The following TOPAZ1 variants were observed in gnomAD, a reference collection of about 807,000 sequenced individuals.
TOPAZ1 encodes testis and ovary specific TOPAZ 1.
A neutral mutation model predicts 172.2 loss-of-function variants in TOPAZ1; 66 were observed. The ratio of observed to expected loss-of-function variants is 0.38; its 90% CI spans 0.31 to 0.47. The LOEUF (loss-of-function observed/expected upper bound fraction) is 0.47, where lower values mean the gene tolerates loss of function less well. Among genes scored for constraint, TOPAZ1 ranks in the 20% least tolerant of loss-of-function variants. The probability of loss-of-function intolerance (pLI) is 0.99; values close to 1 mark genes in which losing one functional copy is unlikely to be tolerated. For missense variants in TOPAZ1, 1,822 were observed against 1,972.4 expected, an observed-to-expected ratio of 0.92 and a Z score of 1.44; for synonymous variants, 681 against 683.9, an observed-to-expected ratio of 1.00 and a Z score of 0.07.
rs1046733569 is a variant in TOPAZ1, at chr3:44,244,836, G to A, written c.2330G>A (p.Gly777Asp). 3 of 1,551,500 alleles carry A rather than the reference G, an allele frequency of 1.9e-6. No homozygotes were observed. The highest frequency in any genetic ancestry group is 2.7e-5 in the African/African-American group (2 of 73,012). Reference protein sequence around the residue: ...YSISPSFTKQGNNSKPSNHVS... With the variant: ...YSISPSFTKQDNNSKPSNHVS... ...ATTTCTCCAAGCTTTACAAAGCAAG[G>A]TAACAATAGCAAACCATCTAATCAC... The change falls in exon 2 of 20, where the codon GGT becomes GAT. Residue 777 changes from glycine to aspartate, a missense_variant. By Grantham distance (94) the Gly-to-Asp change is moderately conservative. Transcript: ENST00000309765.
chr3:44,318,266 A>G (rs1442087810), intron 16 of TOPAZ1, among the ~76,000 whole-genome samples: 5 of 152,162 alleles, frequency 3.3e-5, no homozygotes, highest in Non-Finnish European at 7.4e-5. Flanking sequence ...ATCCTGGCCA[A>G]CGTGGTGAAA....
intron 8 of TOPAZ1, among the ~76,000 whole-genome samples, chr3:44,273,609 C>G (rs1201725819): frequency 2.0e-5 from 3 of 152,150 alleles, no homozygotes; most frequent in African/African-American, 7.2e-5. Context: ...AATTTCACTT[C>G]CCACTGATGT....
At chr3:44,272,281 C>A (rs190218979) in intron 8 of TOPAZ1, among the ~76,000 whole-genome samples, 92 of 152,288 alleles carry the variant, frequency 6.0e-4, no homozygotes, top group African/African-American at 1.5e-3. Flanking sequence ...ATTGCTGGAT[C>A]ATATGGTAAT....
intron 8 of TOPAZ1, among the ~76,000 whole-genome samples, chr3:44,280,424 G>A (rs536639311): frequency 2.7e-5 from 4 of 149,968 alleles, no homozygotes; most frequent in East Asian, 2.0e-4. Flanking sequence ...ATCTCAGCTC[G>A]CTGCAGCTTC....
Position 44,306,334 on chromosome 3 carries a change from G to C in TOPAZ1, c.4048G>C (p.Asp1350His). The C allele has an allele frequency of 6.5e-7, 1 of 1,543,378 alleles. No homozygotes were observed. The highest frequency in any genetic ancestry group is 8.8e-7 in the Non-Finnish European group (1 of 1,140,792). ...FCEFAETVSKDPQNSKVDKGV... is the reference protein window; with the variant it reads ...FCEFAETVSKHPQNSKVDKGV... ...GCCTATTTGTGTTTCAGTTAGCAAA[G>C]ATCCACAAAACAGTAAAGTAGATAA... is the stretch of plus-strand genomic sequence containing the variant. The change falls in exon 15 of 20, where the codon GAT becomes CAT. Residue 1350 changes from aspartate (D) to histidine (H), a missense_variant. Physicochemically the swap from Asp to His is moderately conservative, Grantham distance 81. Coordinates refer to ENST00000309765, the MANE Select transcript of TOPAZ1 (RefSeq NM_001145030.2).
At chr3:44,328,703 G>A (rs192109739) in intron 19 of TOPAZ1, among the ~76,000 whole-genome samples, 15 of 152,152 alleles carry the variant, frequency 9.9e-5, no homozygotes, top group Admixed American at 2.6e-4. Context: ...TCAAAGAGAC[G>A]GATCCTCTTT....
At chr3:44,255,593 A>G (rs980844038) in intron 3 of TOPAZ1, among the ~76,000 whole-genome samples, 4 of 150,366 alleles carry the variant, frequency 2.7e-5, no homozygotes, top group Admixed American at 2.0e-4. Flanking sequence ...CGGAGCTTGC[A>G]GTGAGCCAAG....
chr3:44,299,582 C>T (rs1024094030), intron 12 of TOPAZ1, among the ~76,000 whole-genome samples: 18 of 152,202 alleles, frequency 1.2e-4, no homozygotes, highest in African/African-American at 4.1e-4. Context: ...TACCATTTGA[C>T]CCAGCCATCC....
chr3:44,317,033 C>A (rs73088489), intron 16 of TOPAZ1, among the ~76,000 whole-genome samples: 2,273 of 152,266 alleles, frequency 0.015, 28 homozygotes, highest in Middle Eastern at 0.027. Context: ...CTAAATTATT[C>A]TTTGCTATGC....
At chr3:44,290,176 A>G (rs1700121245) in intron 11 of TOPAZ1, among the ~76,000 whole-genome samples, 1 of 152,322 alleles carries the variant, frequency 6.6e-6, no homozygotes, top group African/African-American at 2.4e-5. Flanking sequence ...GAGCTGTCAG[A>G]AAAGGCCTGC....
chr3:44,262,399 T>G lies in TOPAZ1; in HGVS notation c.2956-20T>G, dbSNP rs1451725356. ...ACAGAGACCTTCACTTGTACTTATT[T>G]AACCATAATCTCTTCACAGCATAGA... On this transcript the variant is annotated intron_variant, in intron 4 of 19. Transcript: ENST00000309765. The G allele has an allele frequency of 3.7e-6, 5 of 1,364,648 alleles. No individual in the cohort carries two copies. Among genetic ancestry groups the G allele is most frequent in the Non-Finnish European group, 5.0e-6 (5 of 993,476 alleles). The allele number at this position is 1,364,648 out of a possible 1,614,324, so 84.5% of individuals were successfully genotyped here. A position where few individuals can be genotyped will look rare whatever the true frequency, so the allele number is the denominator to read the frequency against.
intron 15 of TOPAZ1, among the ~76,000 whole-genome samples, chr3:44,308,586 A>G (rs1700361766): frequency 6.6e-6 from 1 of 152,186 alleles, no homozygotes; most frequent in Non-Finnish European, 1.5e-5. Context: ...CGCAATAAAC[A>G]TACATATGCA....
At position 44,328,439 on chromosome 3, in the gene TOPAZ1, T is replaced by C. The variant is rs1329369419; in HGVS notation, c.4859+6T>C. ...CTGCAGATAGTTTTGAAAAGGTTGG[T>C]TGACATAACTTTAACTGCATTCTGA... On this transcript the variant is annotated splice_donor_region_variant and intron_variant, in intron 19 of 19. Transcript: ENST00000309765. 1.3e-6 allele frequency: 2 copies of C among 1,493,530 alleles called. No homozygotes were observed. The highest frequency in any genetic ancestry group is 1.8e-6 in the Non-Finnish European group (2 of 1,125,156). 92.5% of individuals were successfully genotyped at this position (1,493,530 alleles called of 1,614,324 possible). A position where few individuals can be genotyped will look rare whatever the true frequency, so the allele number is the denominator to read the frequency against.
At chr3:44,257,370 T>G (rs892065744) in intron 4 of TOPAZ1, among the ~76,000 whole-genome samples, 6 of 111,388 alleles carry the variant, frequency 5.4e-5, no homozygotes, top group South Asian at 5.3e-4. Flanking sequence ...TGTGTGTGTG[T>G]GTGTGTGTGT....
chr3:44,298,842 A>G lies in TOPAZ1; in HGVS notation c.3798-5173A>G, dbSNP rs1700228605. On this transcript the variant is annotated intron_variant, in intron 12 of 19. Transcript: ENST00000309765. ...TTTGGAAACCTATATATATATGTTT[A>G]TATATATTATATAATATATTTGTAT... is the stretch of plus-strand genomic sequence containing the variant. 3.3e-5 allele frequency among the ~76,000 whole-genome samples: 2 copies of G among 61,152 alleles called. 1 individual carries two copies. The highest frequency in any genetic ancestry group is 4.3e-4 in the Admixed American group (2 of 4,614). The allele number at this position is 61,152 out of a possible 152,430, so 40.1% of individuals were successfully genotyped here.
At position 44,331,816 on chromosome 3, in the gene TOPAZ1, C is replaced by T; in HGVS notation, c.4884C>T (p.Ser1628=). The T allele has an allele frequency of 6.4e-7, 1 of 1,551,876 alleles. No individual in the cohort carries two copies. The highest frequency in any genetic ancestry group is 8.7e-7 in the Non-Finnish European group (1 of 1,147,000). ...GGTGTGAAGACAACCAGTCTCGGAG[C>T]AATGATGATTATCAAGCTGCAGTAG... ...LKRCEDNQSR[S]NDDYQAAVER... The change falls in exon 20 of 20, where the codon AGC becomes AGT. Residue 1628 remains serine, a synonymous_variant. Transcript: ENST00000309765.
Position 44,285,103 on chromosome 3 carries a change from G to C in TOPAZ1, c.3437-2286G>C, listed in dbSNP as rs545040274. Among the ~76,000 whole-genome samples the C allele has an allele frequency of 3.3e-5, 5 of 152,138 alleles. No individual in the cohort carries two copies. The East Asian group carries it at 9.6e-4, about 29-fold the overall frequency. ...ATTATGCATTCCTAACCAAAGAAAG[G>C]AGTAAAAATACCTGATTCTGGTGAG... On this transcript the variant is annotated intron_variant, in intron 9 of 19. Coordinates refer to ENST00000309765, the MANE Select transcript of TOPAZ1 (RefSeq NM_001145030.2).
At chr3:44,295,987 A>T (rs1480096308) in intron 12 of TOPAZ1, among the ~76,000 whole-genome samples, 2 of 152,188 alleles carry the variant, frequency 1.3e-5, no homozygotes, top group African/African-American at 4.8e-5. Flanking sequence ...AAACCTCAAA[A>T]AATTTAAAAC....
At chr3:44,326,500 T>G (rs1229067329) in intron 18 of TOPAZ1, among the ~76,000 whole-genome samples, 1 of 152,184 alleles carries the variant, frequency 6.6e-6, no homozygotes, top group African/African-American at 2.4e-5. Context: ...TTGATTGGGT[T>G]TTTTTGGTTG....
Sources: gnomAD v4.1 joint callset for allele counts (sites outside exome capture counted in the v4.1 genomes callset) on GRCh38, gnomAD v4.1.1 for gene constraint, MANE v1.5 for transcripts, NCBI Gene and HGNC (gene_info 2026-07-23, HGNC 2026-07-21) for gene names.